The following MLLT6 variants were observed in gnomAD, a reference collection of about 807,000 sequenced individuals.
The protein encoded by MLLT6 is MLLT6, PHD finger containing, also known as protein AF-17.
In MLLT6, 22 loss-of-function variants were observed where a neutral mutation model predicts 103.0. That is an observed-to-expected ratio of 0.21 (90% CI 0.15 to 0.31). MLLT6 has a LOEUF of 0.31. Among genes scored for constraint, MLLT6 ranks in the 10% least tolerant of loss-of-function variants. The pLI, the probability that MLLT6 is intolerant of heterozygous loss-of-function variation, is 1.00. For synonymous variants in MLLT6, 606 were observed against 623.5 expected (o/e 0.97, Z 0.42); for missense variants, 1,199 against 1,441.7 (o/e 0.83, Z 2.73).
At chr17:38,725,332 G>A (rs1905966842) in intron 19 of MLLT6, 1 of 555,600 alleles carries the variant, frequency 1.8e-6, no homozygotes, top group Non-Finnish European at 3.2e-6. Flanking sequence ...GAGGGCACAC[G>A]GCCTTAGCTT....
chr17:38,719,421 C>T, intron 12 of MLLT6, 96 bp from the exon 13 acceptor site: 1 of 1,076,056 alleles, frequency 9.3e-7, no homozygotes, highest in South Asian at 1.4e-5. Flanking sequence ...GGAAAGGGAT[C>T]TGCGGTGAGG....
At chr17:38,719,463 C>T in intron 12 of MLLT6, 54 bp from the exon 13 acceptor site, 1 of 1,484,478 alleles carries the variant, frequency 6.7e-7, no homozygotes, top group Non-Finnish European at 9.2e-7. Flanking sequence ...GGGGCGGGGA[C>T]CCTGAGGCAG....
rs1306793852 is a variant in MLLT6, at chr17:38,726,305, C to A, written c.*707C>A. ...CCCGCCCTTTGTTTGCACTATTGGA[C>A]TTAGGAGTGCCGAGGGTGGGGAGAT... is the stretch of plus-strand genomic sequence containing the variant. On this transcript the variant is annotated 3_prime_UTR_variant, in exon 20 of 20. Coordinates refer to ENST00000621332, the MANE Select transcript of MLLT6 (RefSeq NM_005937.4). 1 of 234,264 alleles carries A rather than the reference C, an allele frequency of 4.3e-6. No homozygotes were observed. Among genetic ancestry groups the A allele is most frequent in the Non-Finnish European group, 8.4e-6 (1 of 118,692 alleles). The allele number at this position is 234,264 out of a possible 1,614,324, so 14.5% of individuals were successfully genotyped here. A position where few individuals can be genotyped will look rare whatever the true frequency, so the allele number is the denominator to read the frequency against.
rs1008128233 is a variant in MLLT6, at chr17:38,721,733, C to T, written c.2443-145C>T. 5 of 536,118 alleles carry T rather than the reference C, an allele frequency of 9.3e-6. No individual in the cohort carries two copies. The African/African-American group carries it at 1.0e-4, about 11-fold the overall frequency. The allele number at this position is 536,118 out of a possible 1,614,324, so 33.2% of individuals were successfully genotyped here. A position where few individuals can be genotyped will look rare whatever the true frequency, so the allele number is the denominator to read the frequency against. On this transcript the variant is annotated intron_variant, in intron 16 of 19. Transcript: ENST00000621332. ...GTGAAGACAATTTGGATTCTTAGCC[C>T]TCATCCCCGGACCTTGCTTCTTCCA...
Position 38,720,412 on chromosome 17 carries a change from G to A in MLLT6, c.2196G>A (p.Glu732=), listed in dbSNP as rs1905655533. The change falls in exon 15 of 20, where the codon GAG becomes GAA. Residue 732 remains glutamate (E), a synonymous_variant. Transcript: ENST00000621332. ...MLKALHALQK[E]NQRLQEQILS... is the part of the protein sequence containing the mutation. ...AGGCGCTGCACGCGCTGCAGAAGGA[G>A]AACCAGCGGCTGCAAGAGCAGATCC... The A allele has an allele frequency of 4.3e-6, 7 of 1,612,538 alleles. No individual in the cohort carries two copies. Among genetic ancestry groups the A allele is most frequent in the East Asian group, 4.5e-5 (2 of 44,866 alleles).
Position 38,716,861 on chromosome 17 carries a change from G to A in MLLT6, c.1531G>A (p.Ala511Thr). 2 of 1,613,546 alleles carry A rather than the reference G, an allele frequency of 1.2e-6. No individual in the cohort carries two copies. The highest frequency in any genetic ancestry group is 1.7e-6 in the Non-Finnish European group (2 of 1,179,732). ...AQLAGFTATA[A>T]SPFSGGSLVS... ...GCTGGCTGGCTTTACCGCCACTGCTGCCTCACCCTTCTCTGGAGGTTCCCT... is the reference window on the plus strand; with the variant it reads ...GCTGGCTGGCTTTACCGCCACTGCTACCTCACCCTTCTCTGGAGGTTCCCT... The change falls in exon 10 of 20, where the codon GCC becomes ACC. Residue 511 changes from alanine (A) to threonine (T), a missense_variant. Physicochemically the swap from Ala to Thr is moderately conservative, Grantham distance 58. This residue lies in a region of MLLT6 where 1,034 missense variants were observed against 1,091.5 expected (regional missense o/e 0.95). Coordinates refer to ENST00000621332, the MANE Select transcript of MLLT6 (RefSeq NM_005937.4). This position sits in a 1 kb window ranked among gnomAD's most constrained non-coding sequence, Gnocchi z 5.6.
rs1400388126 is a variant in MLLT6, at chr17:38,715,813, C to T, written c.1021C>T (p.Pro341Ser). Residue 341 changes from proline (P) to serine (S), a missense_variant, in exon 9 of 20, where the codon CCC becomes TCC. Coordinates refer to ENST00000621332, the MANE Select transcript of MLLT6 (RefSeq NM_005937.4). ...SSSSSSSSGG[P>S]FQPAVSSLQS... is the part of the protein sequence containing the mutation. ...CTCCTCTTCCTCCTCCTCTGGGGGG[C>T]CCTTCCAGCCTGCAGGTGAGTGTGG... is the stretch of plus-strand genomic sequence containing the variant. The T allele has an allele frequency of 1.3e-6, 2 of 1,595,742 alleles. No individual in the cohort carries two copies. The highest frequency in any genetic ancestry group is 3.6e-5 in the Admixed American group (2 of 56,336).
At position 38,711,866 on chromosome 17, in the gene MLLT6, G is replaced by T; in HGVS notation, c.572G>T (p.Ser191Ile). Reference sequence around the variant, plus strand: ...CCGCAGAAGACATCCCGGCACAGCAGCGGGGGAGGCGGAGGAGGCGCTGGA... The same window carrying T: ...CCGCAGAAGACATCCCGGCACAGCATCGGGGGAGGCGGAGGAGGCGCTGGA... ...FSKMKTSRHSSGGGGGGAGGG... is the reference protein window; with the variant it reads ...FSKMKTSRHSIGGGGGGAGGG... The change falls in exon 7 of 20, where the codon AGC becomes ATC. Residue 191 changes from serine (S) to isoleucine (I), a missense_variant. Coordinates refer to ENST00000621332, the MANE Select transcript of MLLT6 (RefSeq NM_005937.4). 1 of 1,583,372 alleles carries T rather than the reference G, an allele frequency of 6.3e-7. No homozygotes were observed. Among genetic ancestry groups the T allele is most frequent in the Non-Finnish European group, 8.6e-7 (1 of 1,165,070 alleles).
rs553098865 is a variant in MLLT6, at chr17:38,720,526, C to T, written c.2310C>T (p.Ala770=). 1.3e-5 allele frequency: 21 copies of T among 1,611,570 alleles called. No individual in the cohort carries two copies. The South Asian group carries it at 1.9e-4, about 14-fold the overall frequency. The change falls in exon 15 of 20, where the codon GCC becomes GCT. Residue 770 remains alanine, a synonymous_variant. Transcript: ENST00000621332. ...PFPALPAALP[A]ANGPVPGPYG... ...CTGCCCTGCCTGCTGCCCTGCCTGCCGCCAACGGCCCTGTCCCTGGGCCCT... is the reference window on the plus strand; with the variant it reads ...CTGCCCTGCCTGCTGCCCTGCCTGCTGCCAACGGCCCTGTCCCTGGGCCCT...
chr17:38,716,515 G>A lies in MLLT6; in HGVS notation c.1185G>A (p.Glu395=), dbSNP rs748483081. The A allele has an allele frequency of 3.5e-5, 56 of 1,614,038 alleles. No individual in the cohort carries two copies. In the South Asian group the frequency reaches 5.7e-4, roughly 16 times the overall value. ...AGCCCCCCAAGGCTGACCTTTTTGA[G>A]CAGAAGGTGGTCTTCTCTGGCTTTG... is the stretch of plus-strand genomic sequence containing the variant. ...APEPPKADLF[E]QKVVFSGFGP... Residue 395 remains glutamate, a synonymous_variant, in exon 10 of 20, where the codon GAG becomes GAA. Coordinates refer to ENST00000621332, the MANE Select transcript of MLLT6 (RefSeq NM_005937.4). This position sits in a 1 kb window ranked among gnomAD's most constrained non-coding sequence, Gnocchi z 5.6.
At chr17:38,707,387 C>T in intron 2 of MLLT6, 99 bp from the exon 3 acceptor site, 2 of 1,162,632 alleles carry the variant, frequency 1.7e-6, no homozygotes, top group Non-Finnish European at 2.5e-6. Context: ...CATCCATCCA[C>T]CCTAGAGCTT....
In MLLT6 at chr17:38,716,976, G is replaced by C; in HGVS notation, c.1646G>C (p.Gly549Ala). The C allele has an allele frequency of 6.2e-7, 1 of 1,613,408 alleles. No individual in the cohort carries two copies. The highest frequency in any genetic ancestry group is 8.5e-7 in the Non-Finnish European group (1 of 1,179,932). ...TTGAGCCTGGAGTCCCCCTTACTAGGGGCAGGTTAGTGACCCCTGGGGACA... is the reference window on the plus strand; with the variant it reads ...TTGAGCCTGGAGTCCCCCTTACTAGCGGCAGGTTAGTGACCCCTGGGGACA... ...PSLSLESPLL[G>A]AGIYTSNKDP... Residue 549 changes from glycine (G) to alanine (A), a missense_variant, in exon 10 of 20, where the codon GGG (glycine) becomes GCG (alanine). This residue lies in a region of MLLT6 where 1,034 missense variants were observed against 1,091.5 expected (regional missense o/e 0.95). Transcript: ENST00000621332. This position sits in a 1 kb window ranked among gnomAD's most constrained non-coding sequence, Gnocchi z 5.6.
At chr17:38,717,077 A>G in intron 10 of MLLT6, 96 bp downstream of exon 10, 1 of 1,532,522 alleles carries the variant, frequency 6.5e-7, no homozygotes, top group Non-Finnish European at 8.7e-7. Context: ...TGGGATGGAT[A>G]CCACTCCAAA....
intron 2 of MLLT6, 148 bp from the exon 3 acceptor site, chr17:38,707,338 G>T (rs1021103531): frequency 1.4e-6 from 1 of 698,144 alleles, no homozygotes; most frequent in African/African-American, 1.8e-5. Flanking sequence ...ATTTTCAACA[G>T]TTACCAACTC....
In MLLT6 at chr17:38,709,229, C is replaced by T. The variant is rs151117453; in HGVS notation, c.411C>T (p.Cys137=). The change falls in exon 5 of 20, where the codon TGC becomes TGT. Residue 137 remains cysteine, a synonymous_variant. Transcript: ENST00000621332. This position sits in a 1 kb window ranked among gnomAD's most constrained non-coding sequence, Gnocchi z 4.3. ...AGAGCAAGGCGGCCTCGGGAGCCTG[C>T]ATGACCTGTAACCGCCATGGATGTC... ...GRESKAASGA[C]MTCNRHGCRQ... 3.9e-5 allele frequency: 63 copies of T among 1,613,474 alleles called. No individual in the cohort carries two copies. Among genetic ancestry groups the T allele is most frequent in the Non-Finnish European group, 7.6e-6 (9 of 1,179,772 alleles).
rs375519010 is a variant in MLLT6 at position 38,711,910 on chromosome 17, G to T, written c.616G>T (p.Gly206Trp). 3 of 1,608,084 alleles carry T rather than the reference G, an allele frequency of 1.9e-6. No individual in the cohort carries two copies. The highest frequency in any genetic ancestry group is 2.5e-6 in the Non-Finnish European group (3 of 1,176,930). ...GGAGGGGGSM[G>W]GGGSGFISGR... ...CGCTGGAGGAGGAGGTGGCAGCATG[G>T]GGGGAGGTGGCAGTGGTTTCATCTC... Residue 206 changes from glycine (G) to tryptophan (W), a missense_variant, in exon 7 of 20, where the codon GGG (glycine) becomes TGG (tryptophan). Gly to Trp is a radical substitution (Grantham distance 184). Coordinates refer to ENST00000621332, the MANE Select transcript of MLLT6 (RefSeq NM_005937.4).
chr17:38,728,836 G>A lies in MLLT6; in HGVS notation c.*3238G>A. ...CCCGGGGTGGGAGGGTGTCTATGTG[G>A]CACTGACTGTCTTAGCTCAGAGCTG... is the stretch of plus-strand genomic sequence containing the variant. On this transcript the variant is annotated 3_prime_UTR_variant, in exon 20 of 20. Transcript: ENST00000621332. 4.3e-6 allele frequency: 1 copy of A among 234,106 alleles called. No homozygotes were observed. Among genetic ancestry groups the A allele is most frequent in the Middle Eastern group, 1.3e-3 (1 of 786 alleles). 14.5% of individuals were successfully genotyped at this position (234,106 alleles called of 1,614,324 possible).
Position 38,724,696 on chromosome 17 carries a change from G to C in MLLT6, c.2960G>C (p.Gly987Ala), listed in dbSNP as rs773374024. Residue 987 changes from glycine (G) to alanine (A), a missense_variant, in exon 19 of 20, where the codon GGG becomes GCG. Physicochemically the swap from Gly to Ala is moderately conservative, Grantham distance 60. This residue lies in a region of MLLT6 where 1,034 missense variants were observed against 1,091.5 expected (regional missense o/e 0.95). Transcript: ENST00000621332. This position sits in a 1 kb window ranked among gnomAD's most constrained non-coding sequence, Gnocchi z 5.4. ...KRELQRLQMAGGSQLPMASLL... is the reference protein window; with the variant it reads ...KRELQRLQMAAGSQLPMASLL... ...GAGCTGCAGCGCCTGCAGATGGCTG[G>C]GGGCTCCCAGCTGCCCATGGCCAGC... 2 of 1,613,106 alleles carry C rather than the reference G, an allele frequency of 1.2e-6. No homozygotes were observed. The highest frequency in any genetic ancestry group is 2.2e-5 in the South Asian group (2 of 91,034).
chr17:38,707,094 A>C (rs1904962638), intron 2 of MLLT6, 65 bp downstream of exon 2: 1 of 1,430,852 alleles, frequency 7.0e-7, no homozygotes, highest in Non-Finnish European at 9.7e-7. Context: ...TCTCAGGTTG[A>C]GCTAGGGGAC....
Sources: allele counts gnomAD v4.1 joint callset, GRCh38; gene constraint gnomAD v4.1.1; regional missense constraint gnomAD v4.1.1; non-coding constraint Gnocchi (gnomAD v3.1); transcripts MANE v1.5; gene names NCBI Gene and HGNC (gene_info 2026-07-23, HGNC 2026-07-21).